The following PCOLCE2 variants were observed in gnomAD, a reference collection of about 807,000 sequenced individuals.
The protein encoded by PCOLCE2 is procollagen C-proteinase enhancer 2.
A neutral mutation model predicts 47.0 loss-of-function variants in PCOLCE2; 42 were observed. The observed-to-expected ratio is 0.89, with a 90% CI of 0.70 to 1.16. PCOLCE2 has a LOEUF of 1.16. Among genes scored for constraint, PCOLCE2 ranks in the 50% most tolerant of loss-of-function variants. The pLI is 0.00. For synonymous variants in PCOLCE2, 169 were observed against 191.7 expected (o/e 0.88, Z 0.98); for missense variants, 500 against 526.1 (o/e 0.95, Z 0.49).
intron 2 of PCOLCE2, among the ~76,000 whole-genome samples, chr3:142,861,844 G>T (rs1933188449): frequency 6.6e-6 from 1 of 152,238 alleles, no homozygotes; most frequent in African/African-American, 2.4e-5. Context: ...TTTGCCTTGG[G>T]CCTCCCAAAT....
chr3:142,836,443 C>A (rs183810761), intron 5 of PCOLCE2, among the ~76,000 whole-genome samples: 3 of 152,334 alleles, frequency 2.0e-5, no homozygotes, highest in Non-Finnish European at 4.4e-5. Context: ...GGGGGAGCTG[C>A]CATCTTCAGC....
Position 142,841,225 on chromosome 3 carries a change from C to A in PCOLCE2, c.573+1699G>T, listed in dbSNP as rs76021323. On this transcript the variant is annotated intron_variant, in intron 4 of 8. Transcript: ENST00000295992. The stretch of plus-strand genomic sequence containing the variant: ...AAATTCCAATGAAATTCCTTCAATA[C>A]AATAATTCCCTTGCATAGAAACTAT... 2.2e-3 allele frequency among the ~76,000 whole-genome samples: 341 copies of A among 152,176 alleles called. 12 individuals carry two copies. The East Asian group carries it at 0.056, about 25-fold the overall frequency.
At chr3:142,853,543 T>TTAGG (rs1932996277) in intron 2 of PCOLCE2, among the ~76,000 whole-genome samples, 1 of 152,172 alleles carries the variant, frequency 6.6e-6, no homozygotes, top group Admixed American at 6.5e-5. Context: ...GAATAATCCA[T>TTAGG]TAGGTACTCA....
rs904717164 is a variant in PCOLCE2 at position 142,874,119 on chromosome 3, AG to A, written c.192+13549del. Among the ~76,000 whole-genome samples the A allele has an allele frequency of 5.9e-5, 9 of 152,310 alleles. No homozygotes were observed. In the Middle Eastern group the frequency reaches 0.01, roughly 173 times the overall value. On this transcript the variant is annotated intron_variant, in intron 2 of 8. Coordinates refer to ENST00000295992, the MANE Select transcript of PCOLCE2 (RefSeq NM_013363.4). ...TGAGACAGAGTCTCACTCTGTTGCC[AG>A]GCTGGAGTGCAGTGGCGCAATCTTG...
chr3:142,823,721 C>T, intron 6 of PCOLCE2, 106 bp from the exon 7 acceptor site: 1 of 683,006 alleles, frequency 1.5e-6, no homozygotes, highest in Non-Finnish European at 2.6e-6. Context: ...CCCTGAGCCA[C>T]CAATCTATCA....
chr3:142,843,312 T>C (rs541794846), intron 3 of PCOLCE2: 26 of 518,754 alleles, frequency 5.0e-5, no homozygotes, highest in African/African-American at 4.0e-4. Flanking sequence ...TTTTTTTCCT[T>C]AGACAAGGAA....
chr3:142,824,094 A>G (rs1937046103), intron 6 of PCOLCE2, among the ~76,000 whole-genome samples: 1 of 152,250 alleles, frequency 6.6e-6, no homozygotes, highest in African/African-American at 2.4e-5. Context: ...GTTCATGTGT[A>G]AAGTGTGTTA....
At position 142,842,101 on chromosome 3, in the gene PCOLCE2, A is replaced by T. The variant is rs946612847; in HGVS notation, c.573+823T>A. Among the ~76,000 whole-genome samples, 1 of 152,232 alleles carries T rather than the reference A, an allele frequency of 6.6e-6. No homozygotes were observed. Among genetic ancestry groups the T allele is most frequent in the Non-Finnish European group, 1.5e-5 (1 of 68,044 alleles). On this transcript the variant is annotated intron_variant, in intron 4 of 8. Coordinates refer to ENST00000295992, the MANE Select transcript of PCOLCE2 (RefSeq NM_013363.4). The surrounding 1 kb of genome is among the most constrained non-coding windows in gnomAD (Gnocchi z 4.1). ...CTGCACATATTTTATTTTAAATGACAACCAAAAACACCCTAAAGCAGACCA... is the reference window on the plus strand; with the variant it reads ...CTGCACATATTTTATTTTAAATGACTACCAAAAACACCCTAAAGCAGACCA...
intron 2 of PCOLCE2, among the ~76,000 whole-genome samples, chr3:142,878,691 C>T (rs1933547988): frequency 6.6e-6 from 1 of 152,144 alleles, no homozygotes; most frequent in Non-Finnish European, 1.5e-5. Flanking sequence ...CCTATCTCTA[C>T]TAAAAATACA....
intron 6 of PCOLCE2, among the ~76,000 whole-genome samples, chr3:142,826,816 A>G (rs1208102272): frequency 6.6e-6 from 1 of 152,056 alleles, no homozygotes; most frequent in Admixed American, 6.6e-5. Flanking sequence ...TGACTCACTT[A>G]CCACTCCCTT....
intron 6 of PCOLCE2, among the ~76,000 whole-genome samples, chr3:142,824,374 C>T (rs1455669081): frequency 2.6e-5 from 4 of 151,968 alleles, no homozygotes; most frequent in Non-Finnish European, 4.4e-5. Flanking sequence ...GGACAGTCCC[C>T]GCAACACAGA....
chr3:142,867,008 C>A lies in PCOLCE2; in HGVS notation c.193-18536G>T, dbSNP rs139434119. Among the ~76,000 whole-genome samples the A allele has an allele frequency of 8.2e-4, 125 of 152,280 alleles. 1 individual carries two copies. Among genetic ancestry groups the A allele is most frequent in the Middle Eastern group, 3.4e-3 (1 of 294 alleles). On this transcript the variant is annotated intron_variant, in intron 2 of 8. Transcript: ENST00000295992. ...TGTGTACAGGTATCATGGCAACCAG[C>A]CAGGTAGAAGCCACATTTGCATAAT...
At chr3:142,867,467 G>GA (rs1933309202) in intron 2 of PCOLCE2, among the ~76,000 whole-genome samples, 1 of 151,886 alleles carries the variant, frequency 6.6e-6, no homozygotes, top group African/African-American at 2.4e-5. Context: ...ACCACAGATG[G>GA]AAAAAAAATT....
At chr3:142,837,121 C>T (rs1009736685) in intron 5 of PCOLCE2, among the ~76,000 whole-genome samples, 10 of 152,088 alleles carry the variant, frequency 6.6e-5, no homozygotes, top group African/African-American at 2.2e-4. Context: ...CACACTTTGC[C>T]GATGAAGGAA....
In PCOLCE2 at chr3:142,888,659, C is replaced by G. The variant is rs1056540425; in HGVS notation, c.83+155G>C. 261 of 455,664 alleles carry G rather than the reference C, an allele frequency of 5.7e-4. 3 individuals are homozygous for G. The East Asian group carries it at 9.3e-3, about 16-fold the overall frequency. 28.2% of individuals were successfully genotyped at this position (455,664 alleles called of 1,614,324 possible). A position where few individuals can be genotyped will look rare whatever the true frequency, so the allele number is the denominator to read the frequency against. ...TCCCGAAGTCCCGGGCTTAGCCTACCCGAGGGTGGCGGACGCCTGCACCGC... is the reference window on the plus strand; with the variant it reads ...TCCCGAAGTCCCGGGCTTAGCCTACGCGAGGGTGGCGGACGCCTGCACCGC... On this transcript the variant is annotated intron_variant, in intron 1 of 8. Transcript: ENST00000295992.
chr3:142,871,335 T>C (rs775025435), intron 2 of PCOLCE2, among the ~76,000 whole-genome samples: 7 of 152,222 alleles, frequency 4.6e-5, no homozygotes, highest in Admixed American at 2.0e-4. Context: ...CTATGATCTG[T>C]TCTCAGCACA....
At chr3:142,865,218 T>C (rs1189434213) in intron 2 of PCOLCE2, among the ~76,000 whole-genome samples, 2 of 152,100 alleles carry the variant, frequency 1.3e-5, no homozygotes, top group Non-Finnish European at 2.9e-5. Flanking sequence ...GTGGTTTTGA[T>C]TGCATTTCTC....
chr3:142,818,258 A>T lies in PCOLCE2; in HGVS notation c.*77T>A, dbSNP rs1936972598. On this transcript the variant is annotated 3_prime_UTR_variant, in exon 9 of 9. Transcript: ENST00000295992. ...TTTCAGAATATGTAATTTTATAAGT[A>T]TTTTTTTTTCTACTGAGAGAACATA... is the stretch of plus-strand genomic sequence containing the variant. 1.6e-6 allele frequency: 2 copies of T among 1,279,416 alleles called. No individual in the cohort carries two copies. Among genetic ancestry groups the T allele is most frequent in the African/African-American group, 1.5e-5 (1 of 66,222 alleles). 79.3% of individuals were successfully genotyped at this position (1,279,416 alleles called of 1,614,324 possible).
At chr3:142,818,511 T>C (rs759038561) in intron 8 of PCOLCE2, 46 bp from the exon 9 acceptor site, 6 of 1,449,756 alleles carry the variant, frequency 4.1e-6, no homozygotes, top group East Asian at 2.3e-5. Context: ...CTATGTATCA[T>C]GTGTGAAACA....
Sources: gnomAD v4.1 joint callset for allele counts (sites outside exome capture counted in the v4.1 genomes callset) on GRCh38, gnomAD v4.1.1 for gene constraint, Gnocchi (gnomAD v3.1) non-coding constraint, MANE v1.5 for transcripts, NCBI Gene and HGNC (gene_info 2026-07-23, HGNC 2026-07-21) for gene names.